Variants in RSPO4 observed in about 807,000 individuals in gnomAD.
The protein encoded by RSPO4 is R-spondin 4.
A neutral mutation model predicts 24.8 loss-of-function variants in RSPO4; 23 were observed. The ratio of observed to expected loss-of-function variants is 0.93; its 90% CI spans 0.67 to 1.31. The LOEUF is 1.31. Among genes scored for constraint, RSPO4 ranks in the 40% most tolerant of loss-of-function variants. The probability of loss-of-function intolerance (pLI) is 0.00; values close to 1 mark genes in which losing one functional copy is unlikely to be tolerated. For synonymous variants in RSPO4, 141 were observed against 127.4 expected, an observed-to-expected ratio of 1.11 and a Z score of -0.72; for missense variants, 333 against 316.5, an observed-to-expected ratio of 1.05 and a Z score of -0.39.
intron 1 of RSPO4, among the ~76,000 whole-genome samples, chr20:986,738 C>G (rs1024849710): frequency 2.0e-5 from 3 of 151,684 alleles, no homozygotes; most frequent in African/African-American, 7.3e-5. Context: ...CAGTTACACA[C>G]AAAGTAAGCC....
Position 981,274 on chromosome 20 carries a change from C to T in RSPO4, c.80-13136G>A, listed in dbSNP as rs1443232811. Reference sequence around the variant, plus strand: ...GCACAGTGGCTCACGCCTGTAATCCCAGCACTTAGGGAGGCTGAGGCAGGT... The same window carrying T: ...GCACAGTGGCTCACGCCTGTAATCCTAGCACTTAGGGAGGCTGAGGCAGGT... On this transcript the variant is annotated intron_variant, in intron 1 of 4. Coordinates refer to ENST00000217260, the MANE Select transcript of RSPO4 (RefSeq NM_001029871.4). This position sits in a 1 kb window ranked among gnomAD's most constrained non-coding sequence, Gnocchi z 4.6. Among the ~76,000 whole-genome samples the T allele has an allele frequency of 2.6e-5, 4 of 152,204 alleles. No homozygotes were observed. The highest frequency in any genetic ancestry group is 7.2e-5 in the African/African-American group (3 of 41,448).
At chr20:966,339 G>A (rs868287996) in intron 3 of RSPO4, among the ~76,000 whole-genome samples, 40 of 152,164 alleles carry the variant, frequency 2.6e-4, no homozygotes, top group African/African-American at 8.9e-4. Flanking sequence ...ATACTGACAC[G>A]TACTGAGCAT....
At chr20:994,165 C>T (rs1014058132) in intron 1 of RSPO4, among the ~76,000 whole-genome samples, 2 of 152,164 alleles carry the variant, frequency 1.3e-5, no homozygotes, top group African/African-American at 2.4e-5. Context: ...TGCTCAACCA[C>T]GAAACAAAAT....
chr20:995,768 G>C (rs960271088), intron 1 of RSPO4, among the ~76,000 whole-genome samples: 1 of 152,134 alleles, frequency 6.6e-6, no homozygotes, highest in Non-Finnish European at 1.5e-5. Context: ...TGTCAGGAGG[G>C]CCTCCATTAG....
rs1230612429 is a variant in RSPO4, at chr20:967,987, G to A, written c.231C>T (p.Tyr77=). The A allele has an allele frequency of 6.2e-7, 1 of 1,614,254 alleles. No homozygotes were observed. Among genetic ancestry groups the A allele is most frequent in the Non-Finnish European group, 8.5e-7 (1 of 1,180,042 alleles). Residue 77 remains tyrosine (Y), a synonymous_variant, in exon 2 of 5, where the codon TAC becomes TAT. Transcript: ENST00000217260. The stretch of plus-strand genomic sequence containing the variant: ...TGACCTCCTGGCCGCGGATGCCGAA[G>A]TACCCAGGGGGACAGTCGTGCAGGC... ...GKCLHDCPPG[Y]FGIRGQEVNR...
intron 1 of RSPO4, among the ~76,000 whole-genome samples, chr20:997,622 G>A (rs1295121128): frequency 6.6e-6 from 1 of 152,122 alleles, no homozygotes; most frequent in Non-Finnish European, 1.5e-5. Context: ...CAGCACTCAG[G>A]GGACATACTT....
chr20:1,002,083 T>A lies in RSPO4; in HGVS notation c.79+3A>T, dbSNP rs1320625422. ...GGCCGCCCTGCCCAGCCACCCCTTGTACCTTGCTTCTTCCTTCGGTTCAGG... is the reference window on the plus strand; with the variant it reads ...GGCCGCCCTGCCCAGCCACCCCTTGAACCTTGCTTCTTCCTTCGGTTCAGG... On this transcript the variant is annotated splice_donor_region_variant and intron_variant, in intron 1 of 4. Coordinates refer to ENST00000217260, the MANE Select transcript of RSPO4 (RefSeq NM_001029871.4). The surrounding 1 kb of genome is among the most constrained non-coding windows in gnomAD (Gnocchi z 4.6). 6.4e-7 allele frequency: 1 copy of A among 1,553,304 alleles called. No homozygotes were observed. The highest frequency in any genetic ancestry group is 8.7e-7 in the Non-Finnish European group (1 of 1,147,866).
chr20:971,192 C>T (rs140057736), intron 1 of RSPO4, among the ~76,000 whole-genome samples: 3,223 of 152,282 alleles, frequency 0.021, 47 homozygotes, highest in Middle Eastern at 0.11. Flanking sequence ...TACCCTAGAG[C>T]GGCAGTTCTC....
Position 968,174 on chromosome 20 carries a change from GGA to G in RSPO4, c.80-38_80-37del, listed in dbSNP as rs748482022. On this transcript the variant is annotated intron_variant, in intron 1 of 4. Transcript: ENST00000217260. ...GACCAGGGCAGAAGGAGGGGGAAAGGGAGAGAGAGATGGTCAAACCATATATG... is the reference window on the plus strand; with the variant it reads ...GACCAGGGCAGAAGGAGGGGGAAAGGGAGAGAGATGGTCAAACCATATATG... The G allele has an allele frequency of 1.1e-5, 17 of 1,598,372 alleles. No homozygotes were observed. The South Asian group carries it at 1.1e-4, about 10-fold the overall frequency.
At chr20:964,868 C>A (rs1303231601) in intron 3 of RSPO4, among the ~76,000 whole-genome samples, 2 of 148,298 alleles carry the variant, frequency 1.3e-5, no homozygotes, top group African/African-American at 5.0e-5. Flanking sequence ...TTTTAAAAGT[C>A]CATGAGAAGT....
At chr20:982,248 G>A (rs1444634013) in intron 1 of RSPO4, among the ~76,000 whole-genome samples, 1 of 152,144 alleles carries the variant, frequency 6.6e-6, no homozygotes, top group Non-Finnish European at 1.5e-5. Context: ...TCACAAAGCT[G>A]TCCTGAGCAT....
intron 1 of RSPO4, among the ~76,000 whole-genome samples, chr20:979,618 C>A (rs1032346467): frequency 1.3e-5 from 2 of 152,176 alleles, no homozygotes; most frequent in African/African-American, 4.8e-5. Flanking sequence ...GATATGTAAG[C>A]CCTGGGTCTG....
intron 1 of RSPO4, among the ~76,000 whole-genome samples, chr20:976,047 C>G (rs1207220825): frequency 6.6e-6 from 1 of 152,078 alleles, no homozygotes; most frequent in Non-Finnish European, 1.5e-5. Context: ...ATATCCTGGC[C>G]CCATCACTCA....
At chr20:998,459 T>C (rs762108440) in intron 1 of RSPO4, among the ~76,000 whole-genome samples, 6 of 152,236 alleles carry the variant, frequency 3.9e-5, no homozygotes, top group Non-Finnish European at 7.3e-5. Context: ...CAAGAATCTT[T>C]CTCAAGTCTT....
Position 959,120 on chromosome 20 carries a change from TGTGGGGCAGTGTGGTGGTGG to T in RSPO4, c.*1217_*1236del, listed in dbSNP as rs1983894772. ...GGGTGTGGGGGAGTGTGGTGGTGGG[TGTGGGGCAGTGTGGTGGTGG>T]GTGTGGGCGAGTGCGGTGATGGGTG... On this transcript the variant is annotated 3_prime_UTR_variant, in exon 5 of 5. Transcript: ENST00000217260. 1 of 126,928 alleles carries T rather than the reference TGTGGGGCAGTGTGGTGGTGG, an allele frequency of 7.9e-6. No homozygotes were observed. Among genetic ancestry groups the T allele is most frequent in the Non-Finnish European group, 1.6e-5 (1 of 61,336 alleles). The allele number at this position is 126,928 out of a possible 1,614,324, so 7.9% of individuals were successfully genotyped here.
intron 1 of RSPO4, among the ~76,000 whole-genome samples, chr20:982,791 T>G (rs1391079319): frequency 6.6e-6 from 1 of 152,262 alleles, no homozygotes; most frequent in Non-Finnish European, 1.5e-5. Context: ...AAATGCTGGC[T>G]GCTAATTCCC....
At chr20:972,917 C>T (rs1984452085) in intron 1 of RSPO4, among the ~76,000 whole-genome samples, 1 of 152,234 alleles carries the variant, frequency 6.6e-6, no homozygotes, top group African/African-American at 2.4e-5. Flanking sequence ...CTTCAAATTA[C>T]AAATTAATTT....
At chr20:988,317 T>C (rs1420062791) in intron 1 of RSPO4, among the ~76,000 whole-genome samples, 2 of 152,130 alleles carry the variant, frequency 1.3e-5, no homozygotes, top group Non-Finnish European at 2.9e-5. Context: ...AAAGCTTCTC[T>C]GGTGCTGAGG....
At chr20:995,618 C>G (rs1254549127) in intron 1 of RSPO4, among the ~76,000 whole-genome samples, 3 of 152,212 alleles carry the variant, frequency 2.0e-5, no homozygotes, top group Non-Finnish European at 4.4e-5. Flanking sequence ...AGCATCTGAA[C>G]TAAGGCAATT....
Sources: allele counts gnomAD v4.1 joint callset (sites outside exome capture counted in the v4.1 genomes callset), GRCh38; gene constraint gnomAD v4.1.1; non-coding constraint Gnocchi (gnomAD v3.1); transcripts MANE v1.5; gene names NCBI Gene and HGNC (gene_info 2026-07-23, HGNC 2026-07-21).